The following UTRN variants were observed in gnomAD, a reference collection of about 807,000 sequenced individuals.
The protein encoded by UTRN is dystrophin-related protein 1.
A neutral mutation model predicts 463.9 loss-of-function variants in UTRN; 283 were observed. The observed-to-expected ratio is 0.61, with a 90% CI of 0.55 to 0.67. UTRN has a LOEUF of 0.67. Ranked by LOEUF, UTRN falls within the 30% of genes least tolerant of loss-of-function variation. The pLI is 0.00. For synonymous variants in UTRN, 1,442 were observed against 1,431.5 expected, an observed-to-expected ratio of 1.01 and a Z score of -0.17; for missense variants, 3,922 against 4,084.3, an observed-to-expected ratio of 0.96 and a Z score of 1.08.
At chr6:144,752,899 A>G (rs1562863905) in intron 56 of UTRN, among the ~76,000 whole-genome samples, 1 of 152,300 alleles carries the variant, frequency 6.6e-6, no homozygotes, top group East Asian at 1.9e-4. Flanking sequence ...TGTCATCCTT[A>G]TCTATGATCC....
At chr6:144,625,797 A>G (rs1188634969) in intron 51 of UTRN, among the ~76,000 whole-genome samples, 2 of 152,312 alleles carry the variant, frequency 1.3e-5, no homozygotes, top group Non-Finnish European at 1.5e-5. Flanking sequence ...TTTTGCTTTC[A>G]TGGGGCCAGT....
At chr6:144,827,168 G>A (rs755701124) in intron 66 of UTRN, among the ~76,000 whole-genome samples, 180 bp from the exon 67 acceptor site, 3 of 152,128 alleles carry the variant, frequency 2.0e-5, no homozygotes, top group Non-Finnish European at 4.4e-5. Flanking sequence ...AATACACGGC[G>A]ACTTCTCTAG....
intron 2 of UTRN, among the ~76,000 whole-genome samples, chr6:144,322,664 C>T (rs1048366316): frequency 2.6e-5 from 4 of 152,120 alleles, no homozygotes; most frequent in Admixed American, 6.5e-5. Flanking sequence ...TTCGGCCGGG[C>T]GCGGTGGCTC....
At chr6:144,760,851 T>G (rs1792580943) in intron 58 of UTRN, among the ~76,000 whole-genome samples, 1 of 152,178 alleles carries the variant, frequency 6.6e-6, no homozygotes, top group Non-Finnish European at 1.5e-5. Context: ...ACGTTTTTGG[T>G]GTTTAAGTAT....
intron 51 of UTRN, among the ~76,000 whole-genome samples, chr6:144,674,107 G>A (rs1342907543): frequency 6.6e-6 from 1 of 152,094 alleles, no homozygotes; most frequent in Non-Finnish European, 1.5e-5. Context: ...TAGATAACCT[G>A]ATGACTGTAT....
At chr6:144,598,656 A>G (rs1216884773) in intron 51 of UTRN, among the ~76,000 whole-genome samples, 1 of 152,196 alleles carries the variant, frequency 6.6e-6, no homozygotes, top group African/African-American at 2.4e-5. Flanking sequence ...TAAAATACTT[A>G]CATTTCTTTC....
At chr6:144,307,041 G>C (rs1330834084) in intron 2 of UTRN, among the ~76,000 whole-genome samples, 1 of 151,462 alleles carries the variant, frequency 6.6e-6, no homozygotes, top group Non-Finnish European at 1.5e-5. Context: ...CTCCAGCCTG[G>C]GTGGCAGAGT....
chr6:144,483,350 G>C (rs1210026705), intron 27 of UTRN, among the ~76,000 whole-genome samples: 2 of 152,180 alleles, frequency 1.3e-5, no homozygotes, highest in Non-Finnish European at 2.9e-5. Context: ...CATCTGAGCA[G>C]ATTTTTGGTC....
At chr6:144,518,552 C>A (rs935948293) in intron 39 of UTRN, among the ~76,000 whole-genome samples, 1 of 152,124 alleles carries the variant, frequency 6.6e-6, no homozygotes, top group Non-Finnish European at 1.5e-5. Flanking sequence ...AATGCGTTAT[C>A]TTTTAAAACT....
chr6:144,827,525 C>A, intron 67 of UTRN, 86 bp from the exon 68 acceptor site: 2 of 1,595,182 alleles, frequency 1.3e-6, no homozygotes, highest in South Asian at 1.1e-5. Flanking sequence ...ATGGCAGATT[C>A]ATTACTTAAG....
intron 42 of UTRN, among the ~76,000 whole-genome samples, chr6:144,532,525 C>G (rs1221305324): frequency 6.6e-6 from 1 of 152,202 alleles, no homozygotes; most frequent in Non-Finnish European, 1.5e-5. Context: ...CCCTGTGATT[C>G]AGTTACCTCC....
At chr6:144,384,114 A>G (rs7770411) in intron 2 of UTRN, among the ~76,000 whole-genome samples, 24,949 of 152,164 alleles carry the variant, frequency 0.16, 4,259 homozygotes, top group African/African-American at 0.43. Context: ...TGAAATGTAC[A>G]TACATCTTGT....
chr6:144,482,568 T>G (rs1304366235), intron 27 of UTRN, among the ~76,000 whole-genome samples, 180 bp downstream of exon 27: 1 of 152,102 alleles, frequency 6.6e-6, no homozygotes, highest in Non-Finnish European at 1.5e-5. Flanking sequence ...GGAAATAGTT[T>G]GATAAAAATG....
chr6:144,852,593 C>G lies in UTRN; in HGVS notation c.*1596C>G, dbSNP rs1331363889. The G allele has an allele frequency of 6.6e-6, 1 of 152,540 alleles. No homozygotes were observed. The highest frequency in any genetic ancestry group is 2.4e-5 in the African/African-American group (1 of 41,412). The allele number at this position is 152,540 out of a possible 1,614,324, so 9.4% of individuals were successfully genotyped here. A position where few individuals can be genotyped will look rare whatever the true frequency, so the allele number is the denominator to read the frequency against. ...ATATAAAAAGGAAAGCCATGACCAC[C>G]TTTCTACCTCAGATCCATCTTCATC... On this transcript the variant is annotated 3_prime_UTR_variant, in exon 75 of 75. Coordinates refer to ENST00000367545, the MANE Select transcript of UTRN (RefSeq NM_007124.3).
chr6:144,841,110 G>A (rs1781539953), intron 73 of UTRN, among the ~76,000 whole-genome samples: 1 of 152,110 alleles, frequency 6.6e-6, no homozygotes, highest in Admixed American at 6.6e-5. Flanking sequence ...TAATAAGTCT[G>A]GTTTTAAGAA....
chr6:144,762,848 T>A (rs937204879), intron 58 of UTRN, among the ~76,000 whole-genome samples: 1 of 152,238 alleles, frequency 6.6e-6, no homozygotes, highest in Non-Finnish European at 1.5e-5. Flanking sequence ...GGCCTGTTGG[T>A]AAGTCACAGT....
intron 33 of UTRN, among the ~76,000 whole-genome samples, chr6:144,496,179 G>GAA (rs1793626304): frequency 6.6e-6 from 1 of 152,192 alleles, no homozygotes. Context: ...AGGTAATATT[G>GAA]AAAACCCATG....
rs1196344551 is a variant in UTRN at position 144,577,258 on chromosome 6, C to G, written c.7449C>G (p.Ile2483Met). The G allele has an allele frequency of 6.2e-7, 1 of 1,613,820 alleles. No homozygotes were observed. ...GGGAGAATGCTCTTCAGGATAGTAT[C>G]TTGGCCAGGGAACTCAAACAGCAGA... is the stretch of plus-strand genomic sequence containing the variant. The part of the protein sequence containing the change: ...SHRENALQDS[I>M]LARELKQQMQ... Residue 2483 changes from isoleucine (I) to methionine (M), a missense_variant, in exon 51 of 75, where the codon ATC (isoleucine) becomes ATG (methionine). Physicochemically the swap from Ile to Met is conservative, Grantham distance 10. Around this residue, in one of 3 missense-constraint regions of UTRN, gnomAD observed 1,309 missense variants for 1,452.6 expected, o/e 0.90. Transcript: ENST00000367545.
At position 144,830,494 on chromosome 6, in the gene UTRN, A is replaced by G. The variant is rs192316633; in HGVS notation, c.9665+1639A>G. ...TGTATATACAGTTACAATTAAATAA[A>G]TTAGATTAAAACAAAAACAAAAGTA... On this transcript the variant is annotated intron_variant, in intron 69 of 74. Transcript: ENST00000367545. 1.8e-3 allele frequency among the ~76,000 whole-genome samples: 276 copies of G among 152,274 alleles called. 2 individuals are homozygous for G. The highest frequency in any genetic ancestry group is 2.2e-3 in the Non-Finnish European group (153 of 68,012).
Sources: gnomAD v4.1 joint callset for allele counts (sites outside exome capture counted in the v4.1 genomes callset) on GRCh38, gnomAD v4.1.1 for gene constraint, gnomAD v4.1.1 regional missense constraint, MANE v1.5 for transcripts, NCBI Gene and HGNC (gene_info 2026-07-23, HGNC 2026-07-21) for gene names.